Variants in LAMB4 observed in about 807,000 individuals in gnomAD.
The protein encoded by LAMB4 is laminin subunit beta 4.
LAMB4 carries 196 observed loss-of-function variants against 199.2 expected under a neutral mutation model. That is an observed-to-expected ratio of 0.98 (90% CI 0.88 to 1.11). The LOEUF (loss-of-function observed/expected upper bound fraction) is 1.11. LAMB4 is among the 50% of genes least tolerant of loss of function. The pLI, the probability that LAMB4 is intolerant of heterozygous loss-of-function variation, is 0.00. For missense variants in LAMB4, 2,080 were observed against 2,171.2 expected (o/e 0.96, Z 0.83); for synonymous variants, 744 against 770.6 (o/e 0.97, Z 0.57).
Position 108,023,968 on chromosome 7 carries a change from C to A in LAMB4, c.*71G>T. 1 of 1,350,706 alleles carries A rather than the reference C, an allele frequency of 7.4e-7. No individual in the cohort carries two copies. The highest frequency in any genetic ancestry group is 1.6e-5 in the South Asian group (1 of 63,932). 83.7% of individuals were successfully genotyped at this position (1,350,706 alleles called of 1,614,324 possible). The stretch of plus-strand genomic sequence containing the variant: ...AGACATTGTCAGTATTTCACAGGTT[C>A]AACAGAGCCCCAGGGGCTTGTACAT... On this transcript the variant is annotated 3_prime_UTR_variant, in exon 34 of 34. Transcript: ENST00000388781.
At chr7:108,099,642 C>A (rs987804675) in intron 10 of LAMB4, among the ~76,000 whole-genome samples, 1 of 151,872 alleles carries the variant, frequency 6.6e-6, no homozygotes. Context: ...ACTTTTAAGG[C>A]GTGTAATAAA....
chr7:108,065,991 A>G (rs2150553909), intron 20 of LAMB4, 72 bp from the exon 21 acceptor site: 1 of 1,450,296 alleles, frequency 6.9e-7, no homozygotes, highest in Non-Finnish European at 9.5e-7. Context: ...ACGGTTTGCT[A>G]TGCTTTAAAA....
Position 108,062,862 on chromosome 7 carries a change from G to T in LAMB4, c.3194C>A (p.Ala1065Asp). 6.3e-7 allele frequency: 1 copy of T among 1,593,106 alleles called. No homozygotes were observed. The highest frequency in any genetic ancestry group is 8.5e-7 in the Non-Finnish European group (1 of 1,170,816). ...AGGGACCAGATTCCAGTATCCATCAGCACAACGGTCACAGGCCAGGCCTGT... is the reference window on the plus strand; with the variant it reads ...AGGGACCAGATTCCAGTATCCATCATCACAACGGTCACAGGCCAGGCCTGT... Reference protein sequence around the residue: ...NVTGLACDRCADGYWNLVPGR... With the variant: ...NVTGLACDRCDDGYWNLVPGR... Residue 1065 changes from alanine to aspartate, a missense_variant, in exon 23 of 34, where the codon GCT becomes GAT. Physicochemically the swap from Ala to Asp is moderately radical, Grantham distance 126 (BLOSUM62 -2). Coordinates refer to ENST00000388781, the MANE Select transcript of LAMB4 (RefSeq NM_007356.3).
downstream of LAMB4, among the ~76,000 whole-genome samples, chr7:108,019,543 T>C (rs1317144628): frequency 1.3e-5 from 2 of 152,070 alleles, no homozygotes; most frequent in African/African-American, 2.4e-5. Context: ...ATTCTGCCTC[T>C]CCCACAAACG....
the LAMB4 span, among the ~76,000 whole-genome samples, chr7:108,016,488 C>T: frequency 1.3e-5 from 2 of 152,004 alleles, no homozygotes; most frequent in Admixed American, 6.6e-5. Flanking sequence ...TTCACCATAT[C>T]GGCCAGGTTG....
At chr7:108,064,608 A>G (rs2036272963) in intron 21 of LAMB4, among the ~76,000 whole-genome samples, 1 of 152,160 alleles carries the variant, frequency 6.6e-6, no homozygotes, top group Non-Finnish European at 1.5e-5. Flanking sequence ...ATTTTGGTTC[A>G]TCCCACTTGG....
rs762529031 is a variant in LAMB4, at chr7:108,037,588, G to A, written c.4479C>T (p.Asn1493=). The A allele has an allele frequency of 2.2e-5, 36 of 1,613,430 alleles. No homozygotes were observed. In the South Asian group the frequency reaches 2.5e-4, roughly 11 times the overall value. Residue 1493 remains asparagine (N), a synonymous_variant, in exon 30 of 34, where the codon AAC becomes AAT. Coordinates refer to ENST00000388781, the MANE Select transcript of LAMB4 (RefSeq NM_007356.3). ...CCTTCTCGATGTCTTCTGGAGGCAC[G>A]TTTTCCTCTTAAATAAGAAGCAGGG... The part of the protein sequence containing the change: ...KKVKNFLLEE[N]VPPEDIEKVA...
At chr7:108,071,032 T>C (rs2036516334) in intron 17 of LAMB4, among the ~76,000 whole-genome samples, 1 of 152,110 alleles carries the variant, frequency 6.6e-6, no homozygotes, top group South Asian at 2.1e-4. Flanking sequence ...GGAAGAAGTG[T>C]CCCATTGGTA....
At chr7:108,091,936 T>G (rs1231776853) in intron 13 of LAMB4, among the ~76,000 whole-genome samples, 160 bp from the exon 14 acceptor site, 1 of 152,212 alleles carries the variant, frequency 6.6e-6, no homozygotes, top group Non-Finnish European at 1.5e-5. Context: ...GGGTTTAACA[T>G]AACTGGTCTT....
rs761981720 is a variant in LAMB4 at position 108,068,114 on chromosome 7, C to T, written c.2348G>A (p.Arg783Gln). ...PQGSVGSSCS[R>Q]LGGQCQCKPL... is the part of the protein sequence containing the mutation. ...TTTACACTGGCACTGGCCTCCAAGTCGGCTGCAGCTGGATCCGACTGAGCC... is the reference window on the plus strand; with the variant it reads ...TTTACACTGGCACTGGCCTCCAAGTTGGCTGCAGCTGGATCCGACTGAGCC... Residue 783 changes from arginine to glutamine, a missense_variant, in exon 19 of 34, where the codon CGA (arginine) becomes CAA (glutamine). Physicochemically the swap from Arg to Gln is conservative, Grantham distance 43. Coordinates refer to ENST00000388781, the MANE Select transcript of LAMB4 (RefSeq NM_007356.3). 22 of 1,614,014 alleles carry T rather than the reference C, an allele frequency of 1.4e-5. No homozygotes were observed. The highest frequency in any genetic ancestry group is 6.7e-5 in the African/African-American group (5 of 74,918).
chr7:108,115,318 A>G (rs545939531), intron 3 of LAMB4, among the ~76,000 whole-genome samples: 17 of 152,242 alleles, frequency 1.1e-4, no homozygotes, highest in Non-Finnish European at 2.4e-4. Context: ...TGCAAGTTCC[A>G]TATTTGTGGA....
At chr7:108,069,101 C>T (rs76603122) in intron 18 of LAMB4, among the ~76,000 whole-genome samples, 3,169 of 152,296 alleles carry the variant, frequency 0.021, 122 homozygotes, top group African/African-American at 0.071. Context: ...CAGGAAGCCT[C>T]GGCTGTCATT....
rs576482828 is a variant in LAMB4, at chr7:108,098,867, G to T, written c.1181-285C>A. On this transcript the variant is annotated intron_variant, in intron 10 of 33. Coordinates refer to ENST00000388781, the MANE Select transcript of LAMB4 (RefSeq NM_007356.3). The stretch of plus-strand genomic sequence containing the variant: ...GTTATGAAAATTAAGACTAGATTAT[G>T]TTAAGAATAGACTGATTCTTCTGGG... Among the ~76,000 whole-genome samples the T allele has an allele frequency of 5.9e-5, 9 of 152,280 alleles. No individual in the cohort carries two copies. In the East Asian group the frequency reaches 1.7e-3, roughly 29 times the overall value.
intron 21 of LAMB4, among the ~76,000 whole-genome samples, chr7:108,064,376 A>C (rs563417730): frequency 6.6e-6 from 1 of 152,296 alleles, no homozygotes; most frequent in Non-Finnish European, 1.5e-5. Context: ...AGGTGAACTA[A>C]GGTGAAAATA....
chr7:108,085,268 T>G (rs1281110014), intron 14 of LAMB4, among the ~76,000 whole-genome samples: 2 of 152,206 alleles, frequency 1.3e-5, no homozygotes, highest in East Asian at 3.8e-4. Context: ...CTGTTAAGAA[T>G]GAAATACATA....
chr7:108,019,156 AT>A (rs891424568), downstream of LAMB4, among the ~76,000 whole-genome samples: 58 of 152,318 alleles, frequency 3.8e-4, no homozygotes, highest in African/African-American at 1.4e-3. Flanking sequence ...TAAAAGTCCA[AT>A]TCAGGGCTAA....
intron 2 of LAMB4, among the ~76,000 whole-genome samples, chr7:108,118,410 C>T (rs531602043): frequency 3.7e-4 from 56 of 152,006 alleles, no homozygotes; most frequent in Middle Eastern, 3.4e-3. Flanking sequence ...GAACAGACTG[C>T]GATTTTGGCA....
intron 11 of LAMB4, 115 bp from the exon 12 acceptor site, chr7:108,095,452 C>T: frequency 1.4e-6 from 1 of 733,660 alleles, no homozygotes; most frequent in East Asian, 2.7e-5. Context: ...AGAAGCCTGC[C>T]CTGCCAGGTT....
In LAMB4 at chr7:108,038,233, T is replaced by C. The variant is rs1051788135; in HGVS notation, c.4472-638A>G. Among the ~76,000 whole-genome samples, 11 of 151,998 alleles carry C rather than the reference T, an allele frequency of 7.2e-5. No homozygotes were observed. In the South Asian group the frequency reaches 1.0e-3, roughly 14 times the overall value. ...GTGCAGTGGTGGCACAATCTCGGCT[T>C]ACTGCAACCTCTGACTTCCTGGTTC... On this transcript the variant is annotated intron_variant, in intron 29 of 33. Coordinates refer to ENST00000388781, the MANE Select transcript of LAMB4 (RefSeq NM_007356.3).
Sources: gnomAD v4.1 joint callset for allele counts (sites outside exome capture counted in the v4.1 genomes callset) on GRCh38, gnomAD v4.1.1 for gene constraint, MANE v1.5 for transcripts, NCBI Gene and HGNC (gene_info 2026-07-23, HGNC 2026-07-21) for gene names.